Variants in TENM3 observed in about 807,000 individuals in gnomAD.
TENM3 encodes the protein teneurin-3.
In TENM3, 63 loss-of-function variants were observed where a neutral mutation model predicts 255.1. The ratio of observed to expected loss-of-function variants is 0.25; its 90% CI spans 0.20 to 0.30. The LOEUF is 0.30. Ranked by LOEUF, TENM3 falls within the 10% of genes least tolerant of loss-of-function variation. TENM3 has a pLI of 1.00. For synonymous variants in TENM3, 1,306 were observed against 1,322.3 expected (o/e 0.99, Z 0.27); for missense variants, 2,929 against 3,461.1 (o/e 0.85, Z 3.86).
the TENM3 span, among the ~76,000 whole-genome samples, chr4:181,976,778 T>C: frequency 2.6e-5 from 4 of 152,280 alleles, no homozygotes; most frequent in South Asian, 8.3e-4. Context: ...TAGAAATGAA[T>C]AGTATTTAAA....
At chr4:181,758,428 G>A in the TENM3 span, among the ~76,000 whole-genome samples, 39 of 152,258 alleles carry the variant, frequency 2.6e-4, no homozygotes, top group African/African-American at 8.9e-4. Context: ...AGGGGATGCA[G>A]ATCAGAGCCT....
the TENM3 span, among the ~76,000 whole-genome samples, chr4:182,073,729 C>T: frequency 6.6e-6 from 1 of 152,166 alleles, no homozygotes; most frequent in Admixed American, 6.6e-5. Context: ...CACACAGGTT[C>T]TCTGTGTAAC....
rs796354981 is a variant in TENM3 at position 182,161,611 on chromosome 4, A to G, written c.-76+16857A>G. Reference sequence around the variant, plus strand: ...CAAATATATATATACATATATATATATGTATATATATATACAAATATATAT... The same window carrying G: ...CAAATATATATATACATATATATATGTGTATATATATATACAAATATATAT... On this transcript the variant is annotated intron_variant, in intron 1 of 2. Coordinates refer to the TENM3 transcript ENST00000512480. Among the ~76,000 whole-genome samples the G allele has an allele frequency of 8.5e-3, 844 of 99,842 alleles. 39 individuals are homozygous for G. Among genetic ancestry groups the G allele is most frequent in the East Asian group, 0.053 (99 of 1,856 alleles). 65.5% of individuals were successfully genotyped at this position (99,842 alleles called of 152,430 possible). A position where few individuals can be genotyped will look rare whatever the true frequency, so the allele number is the denominator to read the frequency against.
rs1243504297 is a variant in TENM3 at position 182,449,428 on chromosome 4, G to T, written c.511+102499G>T. 6.0e-5 allele frequency among the ~76,000 whole-genome samples: 9 copies of T among 150,416 alleles called. No individual in the cohort carries two copies. In the South Asian group the frequency reaches 6.4e-4, roughly 11 times the overall value. ...GGAGTGGTGCAGGTAGCCGCGGGGA[G>T]AATGGAGTCTTTTGTTCCCGGTATT... On this transcript the variant is annotated intron_variant, in intron 3 of 27. Coordinates refer to ENST00000511685, the MANE Select transcript of TENM3 (RefSeq NM_001080477.4).
At chr4:182,628,109 A>G (rs139613800) in intron 4 of TENM3, among the ~76,000 whole-genome samples, 1 of 152,314 alleles carries the variant, frequency 6.6e-6, no homozygotes, top group African/African-American at 2.4e-5. Context: ...ACTTGTTTTT[A>G]TAGTACTTAT....
chr4:181,669,937 T>C, the TENM3 span, among the ~76,000 whole-genome samples: 14 of 152,322 alleles, frequency 9.2e-5, no homozygotes, highest in South Asian at 2.1e-3. Context: ...ATGTAAAAGA[T>C]GGCTTTCTTA....
the TENM3 span, among the ~76,000 whole-genome samples, chr4:181,594,007 T>TTTTC: frequency 2.0e-5 from 3 of 150,246 alleles, no homozygotes; most frequent in Admixed American, 6.6e-5. Flanking sequence ...TTTTTTTTTT[T>TTTTC]ATAATGAAAT....
chr4:182,622,488 C>T (rs1364791273), intron 4 of TENM3, among the ~76,000 whole-genome samples: 1 of 152,216 alleles, frequency 6.6e-6, no homozygotes, highest in Non-Finnish European at 1.5e-5. Context: ...AACTTACTGT[C>T]TCTCACGTAG....
chr4:182,136,596 G>A, the TENM3 span, among the ~76,000 whole-genome samples: 3 of 152,186 alleles, frequency 2.0e-5, no homozygotes, highest in Non-Finnish European at 2.9e-5. Flanking sequence ...CCATACTCAC[G>A]TGGGAGTTTT....
intron 1 of TENM3, among the ~76,000 whole-genome samples, chr4:182,175,709 T>A (rs1752441238): frequency 6.6e-6 from 1 of 152,198 alleles, no homozygotes; most frequent in African/African-American, 2.4e-5. Flanking sequence ...GCCAAGTTTG[T>A]CTTCATGAGG....
At chr4:182,394,145 C>T (rs1268813859) in intron 3 of TENM3, among the ~76,000 whole-genome samples, 1 of 152,166 alleles carries the variant, frequency 6.6e-6, no homozygotes, top group Non-Finnish European at 1.5e-5. Context: ...TCTATGATAT[C>T]TACAAGGGCT....
chr4:182,193,499 G>C (rs779878791), intron 1 of TENM3, among the ~76,000 whole-genome samples: 3 of 152,074 alleles, frequency 2.0e-5, no homozygotes, highest in Non-Finnish European at 4.4e-5. Context: ...AACAGCACTG[G>C]TTAAAAGTGT....
intron 3 of TENM3, among the ~76,000 whole-genome samples, chr4:182,533,629 C>A (rs1739990370): frequency 6.6e-6 from 1 of 151,726 alleles, no homozygotes; most frequent in Non-Finnish European, 1.5e-5. Flanking sequence ...ATATTCGACT[C>A]CTGAAGTACT....
At chr4:181,832,376 C>T in the TENM3 span, among the ~76,000 whole-genome samples, 1 of 152,140 alleles carries the variant, frequency 6.6e-6, no homozygotes, top group South Asian at 2.1e-4. Context: ...TCTTTTGTTT[C>T]CCTGCTACAG....
intron 13 of TENM3, among the ~76,000 whole-genome samples, 188 bp from the exon 14 acceptor site, chr4:182,728,777 T>C (rs1579261214): frequency 6.6e-6 from 1 of 152,164 alleles, no homozygotes; most frequent in East Asian, 1.9e-4. Flanking sequence ...TCTGTCATTA[T>C]GTGGCATGTG....
chr4:181,791,414 A>C, the TENM3 span, among the ~76,000 whole-genome samples: 1 of 152,356 alleles, frequency 6.6e-6, no homozygotes, highest in South Asian at 2.1e-4. Flanking sequence ...AATACAAATC[A>C]TAATTTTATA....
the TENM3 span, chr4:182,012,695 A>G: frequency 6.6e-6 from 1 of 152,188 alleles, no homozygotes; most frequent in Non-Finnish European, 1.5e-5. Flanking sequence ...CTTCGGGTCA[A>G]TGTCAGAATA....
intron 3 of TENM3, among the ~76,000 whole-genome samples, chr4:182,546,155 A>G (rs1741425391): frequency 6.6e-6 from 1 of 152,170 alleles, no homozygotes; most frequent in Admixed American, 6.5e-5. Context: ...GCAGGCTAAC[A>G]AGGAGAGGGA....
the TENM3 span, among the ~76,000 whole-genome samples, chr4:182,028,790 C>A: frequency 5.9e-5 from 9 of 152,132 alleles, no homozygotes; most frequent in South Asian, 1.9e-3. Flanking sequence ...TAGTTTTATT[C>A]CATGTGTTTG....
Sources: allele counts gnomAD v4.1 joint callset (sites outside exome capture counted in the v4.1 genomes callset), GRCh38; gene constraint gnomAD v4.1.1; transcripts MANE v1.5; gene names NCBI Gene and HGNC (gene_info 2026-07-23, HGNC 2026-07-21).